The following BCAS3 variants were observed in gnomAD, a reference collection of about 807,000 sequenced individuals.
BCAS3 encodes BCAS3 microtubule associated cell migration factor.
BCAS3 carries 53 observed loss-of-function variants against 116.1 expected under a neutral mutation model. The observed-to-expected ratio is 0.46, with a 90% CI of 0.37 to 0.57. BCAS3 has a LOEUF of 0.57. Ranked by LOEUF, BCAS3 falls within the 20% of genes least tolerant of loss-of-function variation. The pLI is 0.00. For missense variants in BCAS3, 917 were observed against 1,165.4 expected, an observed-to-expected ratio of 0.79 and a Z score of 3.10; for synonymous variants, 391 against 408.2, an observed-to-expected ratio of 0.96 and a Z score of 0.51.
intron 22 of BCAS3, among the ~76,000 whole-genome samples, chr17:61,207,726 C>T (rs1568576164): frequency 5.3e-5 from 8 of 152,050 alleles, no homozygotes; most frequent in Admixed American, 3.9e-4. Context: ...TTCTATGTTG[C>T]TTTAGAATCC....
intron 5 of BCAS3, among the ~76,000 whole-genome samples, chr17:60,729,660 A>G (rs763421881): frequency 7.9e-5 from 12 of 152,192 alleles, no homozygotes; most frequent in Admixed American, 5.9e-4. Flanking sequence ...ATCTTCTTTA[A>G]TCAATGGGTT....
intron 8 of BCAS3, among the ~76,000 whole-genome samples, chr17:60,870,826 C>T (rs1284960157): frequency 6.6e-6 from 1 of 152,038 alleles, no homozygotes; most frequent in Non-Finnish European, 1.5e-5. Context: ...ACTCCTACAA[C>T]AAAAAACGAT....
intron 22 of BCAS3, among the ~76,000 whole-genome samples, chr17:61,115,804 C>T (rs949984439): frequency 2.7e-4 from 41 of 150,226 alleles, no homozygotes; most frequent in Non-Finnish European, 5.1e-4. Context: ...ATGTTTATTG[C>T]GGCATTATTC....
chr17:61,273,171 G>A (rs576173460), intron 22 of BCAS3, among the ~76,000 whole-genome samples: 1 of 150,730 alleles, frequency 6.6e-6, no homozygotes, highest in East Asian at 2.0e-4. Context: ...GCAGTGGCAT[G>A]ATCATGGCTC....
At chr17:61,207,377 G>A (rs549726643) in intron 22 of BCAS3, among the ~76,000 whole-genome samples, 1 of 152,048 alleles carries the variant, frequency 6.6e-6, no homozygotes, top group African/African-American at 2.4e-5. Context: ...TATAACTTTA[G>A]GATGCAGATA....
intron 15 of BCAS3, among the ~76,000 whole-genome samples, chr17:61,003,598 C>T (rs905246956): frequency 6.6e-5 from 10 of 151,902 alleles, no homozygotes; most frequent in South Asian, 4.2e-4. Context: ...CCATCTGGAG[C>T]AGTGATTTTC....
chr17:60,717,358 G>A (rs2038742285), intron 5 of BCAS3, among the ~76,000 whole-genome samples: 1 of 151,856 alleles, frequency 6.6e-6, no homozygotes, highest in Non-Finnish European at 1.5e-5. Flanking sequence ...TGGGACTACA[G>A]GGATGCGCCA....
rs1274767135 is a variant in BCAS3, at chr17:61,390,114, T to C, written c.2594-1863T>C. 2 of 152,336 alleles carry C rather than the reference T, an allele frequency of 1.3e-5. No homozygotes were observed. The highest frequency in any genetic ancestry group is 2.9e-5 in the Non-Finnish European group (2 of 68,136). The allele number at this position is 152,336 out of a possible 1,614,324, so 9.4% of individuals were successfully genotyped here. A position where few individuals can be genotyped will look rare whatever the true frequency, so the allele number is the denominator to read the frequency against. ...TTCTCCCGCCCGCCTGGCCCTGCTGTCAGCGCCCCCTAGTGCCGGGCCGGC... is the reference window on the plus strand; with the variant it reads ...TTCTCCCGCCCGCCTGGCCCTGCTGCCAGCGCCCCCTAGTGCCGGGCCGGC... On this transcript the variant is annotated intron_variant, in intron 23 of 23. Coordinates refer to ENST00000407086, the MANE Select transcript of BCAS3 (RefSeq NM_017679.5). This position sits in a 1 kb window ranked among gnomAD's most constrained non-coding sequence, Gnocchi z 6.8.
intron 6 of BCAS3, among the ~76,000 whole-genome samples, chr17:60,759,479 C>G (rs1230995297): frequency 2.6e-5 from 4 of 152,170 alleles, no homozygotes; most frequent in African/African-American, 9.6e-5. Flanking sequence ...AGTTGAAGCC[C>G]CCTACTGTTA....
intron 5 of BCAS3, among the ~76,000 whole-genome samples, chr17:60,741,834 A>G (rs1304645143): frequency 6.6e-6 from 1 of 152,260 alleles, no homozygotes; most frequent in Non-Finnish European, 1.5e-5. Context: ...CCTAATATAC[A>G]GAAGTAGTTA....
At chr17:61,311,572 G>C (rs971441868) in intron 22 of BCAS3, among the ~76,000 whole-genome samples, 1 of 152,144 alleles carries the variant, frequency 6.6e-6, no homozygotes, top group East Asian at 1.9e-4. Context: ...AACTTGGGGG[G>C]TAAATTGTTG....
chr17:60,888,737 A>T (rs964779093), intron 9 of BCAS3, among the ~76,000 whole-genome samples: 21 of 152,220 alleles, frequency 1.4e-4, no homozygotes, highest in African/African-American at 4.8e-4. Context: ...CAGTAGCATG[A>T]ATGAACAGTT....
chr17:61,024,360 C>G (rs191031805), intron 16 of BCAS3, among the ~76,000 whole-genome samples: 1 of 152,216 alleles, frequency 6.6e-6, no homozygotes, highest in East Asian at 1.9e-4. Context: ...ACATGCTAAA[C>G]CAGGTTCTAA....
chr17:61,271,885 C>CAG (rs1262235865), intron 22 of BCAS3, among the ~76,000 whole-genome samples: 1 of 152,134 alleles, frequency 6.6e-6, no homozygotes, highest in Non-Finnish European at 1.5e-5. Flanking sequence ...TCATACCTCA[C>CAG]TGCAGCCTCA....
intron 8 of BCAS3, among the ~76,000 whole-genome samples, chr17:60,870,764 A>G (rs1174627110): frequency 2.0e-5 from 3 of 152,162 alleles, no homozygotes; most frequent in Admixed American, 6.5e-5. Flanking sequence ...AGTTTTTTCA[A>G]TAAATATTGC....
chr17:60,780,364 G>A (rs903421309), intron 6 of BCAS3, among the ~76,000 whole-genome samples: 3 of 150,178 alleles, frequency 2.0e-5, no homozygotes, highest in Admixed American at 6.7e-5. Flanking sequence ...GAGCGATCTC[G>A]TGATCTTGTC....
chr17:61,185,391 A>AT (rs1385494359), intron 22 of BCAS3, among the ~76,000 whole-genome samples: 2 of 152,174 alleles, frequency 1.3e-5, no homozygotes, highest in Non-Finnish European at 2.9e-5. Flanking sequence ...AGTAGTAATA[A>AT]TTAAAATTTT....
intron 14 of BCAS3, among the ~76,000 whole-genome samples, chr17:60,988,360 T>TTTTTTTTTTTTTTTTTTTTTTTG (rs1555651709): frequency 1.5e-5 from 2 of 134,818 alleles, no homozygotes; most frequent in Admixed American, 7.2e-5. Flanking sequence ...TTTTTTTTTT[T>TTTTTTTTTTTTTTTTTTTTTTTG]ATGTATGTGT....
Position 61,286,924 on chromosome 17 carries a change from C to G in BCAS3, c.2426-81403C>G, listed in dbSNP as rs1602424154. On this transcript the variant is annotated intron_variant, in intron 22 of 23. Transcript: ENST00000407086. The surrounding 1 kb of genome is among the most constrained non-coding windows in gnomAD (Gnocchi z 4.8). Reference sequence around the variant, plus strand: ...ACTGAGCCAGACACCAGAGATGCAACTAGAAAGATGCCATGGTCTTTACAC... The same window carrying G: ...ACTGAGCCAGACACCAGAGATGCAAGTAGAAAGATGCCATGGTCTTTACAC... 6.6e-6 allele frequency among the ~76,000 whole-genome samples: 1 copy of G among 152,216 alleles called. No individual in the cohort carries two copies. Among genetic ancestry groups the G allele is most frequent in the East Asian group, 1.9e-4 (1 of 5,164 alleles).
Sources: allele counts gnomAD v4.1 joint callset (sites outside exome capture counted in the v4.1 genomes callset), GRCh38; gene constraint gnomAD v4.1.1; non-coding constraint Gnocchi (gnomAD v3.1); transcripts MANE v1.5; gene names NCBI Gene and HGNC (gene_info 2026-07-23, HGNC 2026-07-21).